The following CORIN variants were observed in gnomAD, a reference collection of about 807,000 sequenced individuals.
CORIN encodes the protein atrial natriuretic peptide-converting enzyme.
CORIN carries 117 observed loss-of-function variants against 125.3 expected under a neutral mutation model. The observed-to-expected ratio is 0.93, with a 90% CI of 0.80 to 1.09. The LOEUF (loss-of-function observed/expected upper bound fraction) is 1.09, where lower values mean the gene tolerates loss of function less well. Among genes scored for constraint, CORIN ranks in the 50% least tolerant of loss-of-function variants. The pLI, the probability that CORIN is intolerant of heterozygous loss-of-function variation, is 0.00. For synonymous variants in CORIN, 450 were observed against 466.4 expected (o/e 0.96, Z 0.45); for missense variants, 1,253 against 1,306.7 (o/e 0.96, Z 0.63).
chr4:47,776,775 A>T (rs933736667), intron 3 of CORIN, among the ~76,000 whole-genome samples: 1 of 152,240 alleles, frequency 6.6e-6, no homozygotes, highest in African/African-American at 2.4e-5. Flanking sequence ...CATACTCTAC[A>T]GACAAAATTG....
Position 47,594,025 on chromosome 4 carries a change from A to G in CORIN, c.*1696T>C, listed in dbSNP as rs1052733755. ...ATTAGACCATTACCATTTTATTTGT[A>G]TTAAGAATTATTTAAAATAAGTATA... On this transcript the variant is annotated 3_prime_UTR_variant, in exon 22 of 22. Coordinates refer to ENST00000273857, the MANE Select transcript of CORIN (RefSeq NM_006587.4). 2 of 151,706 alleles carry G rather than the reference A, an allele frequency of 1.3e-5. No individual in the cohort carries two copies. The highest frequency in any genetic ancestry group is 6.6e-5 in the Admixed American group (1 of 15,192). 9.4% of individuals were successfully genotyped at this position (151,706 alleles called of 1,614,324 possible).
At chr4:47,620,796 G>C (rs1304961138) in intron 19 of CORIN, among the ~76,000 whole-genome samples, 1 of 152,202 alleles carries the variant, frequency 6.6e-6, no homozygotes, top group African/African-American at 2.4e-5. Flanking sequence ...CACCAACTCT[G>C]TGAGGTAGGG....
chr4:47,775,322 A>G (rs1395863755), intron 3 of CORIN, among the ~76,000 whole-genome samples: 1 of 151,944 alleles, frequency 6.6e-6, no homozygotes, highest in Non-Finnish European at 1.5e-5. Flanking sequence ...GCACCCATTA[A>G]TTCTTCATTT....
chr4:47,733,594 C>T (rs1323302429), intron 5 of CORIN, among the ~76,000 whole-genome samples: 1 of 152,252 alleles, frequency 6.6e-6, no homozygotes, highest in Non-Finnish European at 1.5e-5. Context: ...CACAGAAATA[C>T]GATTTAAAAT....
At position 47,595,161 on chromosome 4, in the gene CORIN, C is replaced by T. The variant is rs1406030625; in HGVS notation, c.*560G>A. ...TACTGGGTTCAGCACACCAACATGG[C>T]ACATGTATACATATGTAACTAACCT... is the stretch of plus-strand genomic sequence containing the variant. On this transcript the variant is annotated 3_prime_UTR_variant, in exon 22 of 22. Transcript: ENST00000273857. 1 of 152,092 alleles carries T rather than the reference C, an allele frequency of 6.6e-6. No individual in the cohort carries two copies. Among genetic ancestry groups the T allele is most frequent in the Non-Finnish European group, 1.5e-5 (1 of 68,030 alleles). 9.4% of individuals were successfully genotyped at this position (152,092 alleles called of 1,614,324 possible).
intron 2 of CORIN, among the ~76,000 whole-genome samples, chr4:47,801,995 C>T (rs554545939): frequency 2.0e-5 from 3 of 152,300 alleles, no homozygotes; most frequent in Admixed American, 2.0e-4. Flanking sequence ...AATCGGTGTG[C>T]TTGGTAAAGG....
At chr4:47,671,857 G>A (rs1439503199) in intron 10 of CORIN, among the ~76,000 whole-genome samples, 1 of 152,092 alleles carries the variant, frequency 6.6e-6, no homozygotes, top group African/African-American at 2.4e-5. Flanking sequence ...CCAAAGTGCT[G>A]GGATTACAGG....
intron 1 of CORIN, among the ~76,000 whole-genome samples, chr4:47,815,016 A>G (rs562593894): frequency 6.6e-6 from 1 of 152,330 alleles, no homozygotes; most frequent in African/African-American, 2.4e-5. Context: ...CGCAGGCACC[A>G]TATAACATTA....
chr4:47,797,601 G>T (rs1208014948), intron 2 of CORIN, among the ~76,000 whole-genome samples: 4 of 151,914 alleles, frequency 2.6e-5, no homozygotes, highest in African/African-American at 9.7e-5. Context: ...ATAGCACAAA[G>T]GTTTTAATTC....
At position 47,641,949 on chromosome 4, in the gene CORIN, A is replaced by G; in HGVS notation, c.2169T>C (p.Ser723=). The part of the protein sequence containing the change: ...VCADGWQEIL[S]QLACKQMGLG... Reference sequence around the variant, plus strand: ...AACCCATCTGCTTGCAGGCCAGCTGACTCAATATCTCCTGCCAGCCATCTG... The same window carrying G: ...AACCCATCTGCTTGCAGGCCAGCTGGCTCAATATCTCCTGCCAGCCATCTG... The change falls in exon 16 of 22, where the codon AGT becomes AGC. Residue 723 remains serine, a synonymous_variant. Transcript: ENST00000273857. 6.2e-7 allele frequency: 1 copy of G among 1,613,480 alleles called. No individual in the cohort carries two copies. The highest frequency in any genetic ancestry group is 8.5e-7 in the Non-Finnish European group (1 of 1,179,622).
At chr4:47,794,533 G>T (rs544419775) in intron 2 of CORIN, among the ~76,000 whole-genome samples, 1 of 152,140 alleles carries the variant, frequency 6.6e-6, no homozygotes, top group South Asian at 2.1e-4. Flanking sequence ...TAAGCTTATG[G>T]CTAAAATAAA....
chr4:47,736,283 G>A (rs1028260460), intron 5 of CORIN, among the ~76,000 whole-genome samples: 1 of 152,112 alleles, frequency 6.6e-6, no homozygotes, highest in Admixed American at 6.5e-5. Context: ...ACTAAACAAC[G>A]TGTGAAAAAG....
chr4:47,706,610 C>G, intron 5 of CORIN: 1 of 1,604,702 alleles, frequency 6.2e-7, no homozygotes, highest in Non-Finnish European at 8.5e-7. Flanking sequence ...AAGGGTGCAA[C>G]TTACGGCAAG....
intron 2 of CORIN, among the ~76,000 whole-genome samples, chr4:47,798,304 C>G (rs2109936996): frequency 6.6e-6 from 1 of 152,288 alleles, no homozygotes; most frequent in East Asian, 1.9e-4. Context: ...CGTAGTACAT[C>G]TGTGTTTGTT....
chr4:47,781,433 A>G (rs1730539625), intron 3 of CORIN, among the ~76,000 whole-genome samples: 1 of 152,224 alleles, frequency 6.6e-6, no homozygotes. Context: ...CGAGCTGTCC[A>G]ATATGTTATT....
At position 47,600,224 on chromosome 4, in the gene CORIN, T is replaced by C; in HGVS notation, c.2936A>G (p.Asp979Gly). 2.5e-6 allele frequency: 4 copies of C among 1,608,878 alleles called. No homozygotes were observed. The highest frequency in any genetic ancestry group is 3.4e-6 in the Non-Finnish European group (4 of 1,177,252). The part of the protein sequence containing the change: ...ICAGYESGTV[D>G]SCMGDSGGPL... ...CAGAAAGCAACTTACCATGCATGAA[T>C]CAACTGTGCCAGACTCATAGCCAGC... Residue 979 changes from aspartate (D) to glycine (G), a missense_variant, in exon 21 of 22, where the codon GAT (aspartate) becomes GGT (glycine). Physicochemically the swap from Asp to Gly is moderately conservative, Grantham distance 94 (BLOSUM62 -1). Transcript: ENST00000273857.
At chr4:47,733,375 C>A (rs1489254134) in intron 5 of CORIN, among the ~76,000 whole-genome samples, 2 of 152,166 alleles carry the variant, frequency 1.3e-5, no homozygotes, top group Non-Finnish European at 2.9e-5. Context: ...TAAATTATTT[C>A]TTCCAAATAA....
At chr4:47,670,537 T>C (rs1430115818) in intron 10 of CORIN, among the ~76,000 whole-genome samples, 8 of 152,164 alleles carry the variant, frequency 5.3e-5, no homozygotes. Flanking sequence ...ACCTGTTCAT[T>C]TCTTCCTTGG....
At chr4:47,765,600 C>A (rs979115925) in intron 3 of CORIN, among the ~76,000 whole-genome samples, 1 of 152,176 alleles carries the variant, frequency 6.6e-6, no homozygotes, top group South Asian at 2.1e-4. Context: ...ATTCCCCCAT[C>A]ATCGAGAAGT....
Sources: gnomAD v4.1 joint callset for allele counts (sites outside exome capture counted in the v4.1 genomes callset) on GRCh38, gnomAD v4.1.1 for gene constraint, MANE v1.5 for transcripts, NCBI Gene and HGNC (gene_info 2026-07-23, HGNC 2026-07-21) for gene names.